Variants in ARAP2 observed in about 807,000 individuals in gnomAD.
The protein encoded by ARAP2 is ArfGAP with RhoGAP domain, ankyrin repeat and PH domain 2, also known as arf-GAP with Rho-GAP domain, ANK repeat and PH domain-containing protein 2.
ARAP2 carries 148 observed loss-of-function variants against 194.5 expected under a neutral mutation model. The ratio of observed to expected loss-of-function variants is 0.76; its 90% confidence interval spans 0.67 to 0.87. The LOEUF (loss-of-function observed/expected upper bound fraction) is 0.87. Ranked by LOEUF, ARAP2 falls within the 40% of genes least tolerant of loss-of-function variation. ARAP2 has a pLI of 0.00. For missense variants in ARAP2, 2,128 were observed against 1,989.7 expected, an observed-to-expected ratio of 1.07 and a Z score of -1.32; for synonymous variants, 695 against 683.5, an observed-to-expected ratio of 1.02 and a Z score of -0.26.
At position 36,099,122 on chromosome 4, in the gene ARAP2, C is replaced by T. The variant is rs571738167; in HGVS notation, c.4286-7102G>A. 2.6e-5 allele frequency among the ~76,000 whole-genome samples: 4 copies of T among 151,322 alleles called. No individual in the cohort carries two copies. In the South Asian group the frequency reaches 6.3e-4, roughly 24 times the overall value. ...CATGTGTCCATATGTTCTCATCATTCGGCTCCCACTTATAAGCGAGAACAT... is the reference window on the plus strand; with the variant it reads ...CATGTGTCCATATGTTCTCATCATTTGGCTCCCACTTATAAGCGAGAACAT... On this transcript the variant is annotated intron_variant, in intron 27 of 32. Coordinates refer to ENST00000303965, the MANE Select transcript of ARAP2 (RefSeq NM_015230.4).
chr4:36,217,134 T>C (rs192089323), intron 2 of ARAP2, among the ~76,000 whole-genome samples: 6 of 152,370 alleles, frequency 3.9e-5, no homozygotes, highest in Admixed American at 3.3e-4. Flanking sequence ...GGTTTACATA[T>C]CTTTCACAAC....
chr4:36,040,924 A>G (rs73123420), intron 5 of ARAP2, among the ~76,000 whole-genome samples: 4,834 of 152,240 alleles, frequency 0.032, 249 homozygotes, highest in African/African-American at 0.1. Flanking sequence ...CCTGTTTTCA[A>G]GGAGAGTGCT....
At chr4:36,041,722 G>A (rs991403423) in intron 5 of ARAP2, among the ~76,000 whole-genome samples, 10 of 152,162 alleles carry the variant, frequency 6.6e-5, no homozygotes, top group Admixed American at 1.3e-4. Context: ...ACACATGCAT[G>A]TGAATGTTCA....
At chr4:36,242,599 T>C (rs575365840) in intron 1 of ARAP2, among the ~76,000 whole-genome samples, 1 of 152,348 alleles carries the variant, frequency 6.6e-6, no homozygotes, top group African/African-American at 2.4e-5. Flanking sequence ...CTGAGTTCTA[T>C]ACTTCTCCAC....
At chr4:36,036,009 C>T (rs562881825) in intron 5 of ARAP2, among the ~76,000 whole-genome samples, 13 of 152,164 alleles carry the variant, frequency 8.5e-5, no homozygotes, top group Non-Finnish European at 1.8e-4. Flanking sequence ...CATGCTGCAA[C>T]GTCATACTAT....
intron 15 of ARAP2, among the ~76,000 whole-genome samples, chr4:36,156,389 G>GAGAAAGAAAGAA (rs1190805215): frequency 4.1e-3 from 51 of 12,584 alleles, no homozygotes; most frequent in South Asian, 0.011. Flanking sequence ...AAGAGAGAGA[G>GAGAAAGAAAGAA]AGAAAGAAAG....
chr4:36,054,266 T>C (rs1723141895), intron 2 of ARAP2, among the ~76,000 whole-genome samples: 1 of 152,206 alleles, frequency 6.6e-6, no homozygotes, highest in African/African-American at 2.4e-5. Context: ...GTTTTCTCTG[T>C]GTCTGGACCA....
chr4:36,166,914 T>C lies in ARAP2; in HGVS notation c.1973+18A>G, dbSNP rs200901207. ...TTCCTATAGTAGTACGAACACAAAA[T>C]GTTTAAAAATAGCTTACCTGAAACT... On this transcript the variant is annotated intron_variant, in intron 10 of 32. Coordinates refer to ENST00000303965, the MANE Select transcript of ARAP2 (RefSeq NM_015230.4). 270 of 1,497,724 alleles carry C rather than the reference T, an allele frequency of 1.8e-4. 2 individuals carry two copies. The East Asian group carries it at 3.6e-3, about 20-fold the overall frequency. The allele number at this position is 1,497,724 out of a possible 1,614,324, so 92.8% of individuals were successfully genotyped here. A position where few individuals can be genotyped will look rare whatever the true frequency, so the allele number is the denominator to read the frequency against.
At chr4:36,190,656 T>C (rs1188209698) in intron 7 of ARAP2, among the ~76,000 whole-genome samples, 3 of 152,178 alleles carry the variant, frequency 2.0e-5, no homozygotes, top group African/African-American at 7.2e-5. Flanking sequence ...TGCATATTAT[T>C]TTTCAAATGT....
At chr4:36,234,797 A>C (rs1162363304) in intron 1 of ARAP2, among the ~76,000 whole-genome samples, 1 of 152,194 alleles carries the variant, frequency 6.6e-6, no homozygotes, top group African/African-American at 2.4e-5. Flanking sequence ...CTATTATTTT[A>C]TTATAATAAA....
At chr4:36,159,569 G>A (rs1578118145) in intron 13 of ARAP2, 64 bp from the exon 14 acceptor site, 1 of 1,299,774 alleles carries the variant, frequency 7.7e-7, no homozygotes, top group African/African-American at 1.5e-5. Context: ...ATTAAAATGA[G>A]TGAAAGTCTG....
intron 1 of ARAP2, among the ~76,000 whole-genome samples, chr4:36,058,459 T>C (rs1309437126): frequency 5.9e-5 from 9 of 152,220 alleles, no homozygotes; most frequent in African/African-American, 2.2e-4. Context: ...TTGTCCTGTG[T>C]ACAGATTCTT....
At chr4:36,050,456 A>G (rs1016874822) in intron 3 of ARAP2, among the ~76,000 whole-genome samples, 4 of 152,214 alleles carry the variant, frequency 2.6e-5, no homozygotes, top group Admixed American at 1.3e-4. Flanking sequence ...ATTACACTGC[A>G]AAGCATGTCT....
At chr4:36,045,619 T>C (rs1239685841) in intron 5 of ARAP2, among the ~76,000 whole-genome samples, 1 of 152,154 alleles carries the variant, frequency 6.6e-6, no homozygotes, top group Admixed American at 6.5e-5. Context: ...ATTCTTCTAG[T>C]CATCAATTAC....
Position 36,077,223 on chromosome 4 carries a change from TAAG to T in ARAP2, c.4608+2990_4608+2992del, listed in dbSNP as rs373140902. ...CAATCAACTGGAAAGCCCATTTGCA[TAAG>T]AAGATTAGGGTGGGGGTGACCAGAC... On this transcript the variant is annotated intron_variant, in intron 31 of 32. Coordinates refer to ENST00000303965, the MANE Select transcript of ARAP2 (RefSeq NM_015230.4). Among the ~76,000 whole-genome samples, 41 of 152,158 alleles carry T rather than the reference TAAG, an allele frequency of 2.7e-4. No individual in the cohort carries two copies. In the East Asian group the frequency reaches 5.4e-3, roughly 20 times the overall value.
chr4:36,093,824 T>C (rs919806256), intron 27 of ARAP2, among the ~76,000 whole-genome samples: 1 of 152,172 alleles, frequency 6.6e-6, no homozygotes, highest in Non-Finnish European at 1.5e-5. Flanking sequence ...CATGTCTGTG[T>C]GTACCCAAGG....
At chr4:36,241,362 G>A (rs1753469149) in intron 1 of ARAP2, among the ~76,000 whole-genome samples, 1 of 152,064 alleles carries the variant, frequency 6.6e-6, no homozygotes, top group Non-Finnish European at 1.5e-5. Context: ...ATAAAAAGAG[G>A]GCATTTCAGA....
intron 27 of ARAP2, among the ~76,000 whole-genome samples, chr4:36,093,058 A>T (rs143667766): frequency 1.4e-4 from 21 of 152,294 alleles, no homozygotes; most frequent in Non-Finnish European, 2.8e-4. Flanking sequence ...CTTTGCAGGG[A>T]CATGATGGAG....
In ARAP2 at chr4:36,177,840, C is replaced by A; in HGVS notation, c.1844G>T (p.Cys615Phe). ...TVLSGNSVWL[C>F]KNEQDFKSGL... ...AACAGAGCTCACCTGTTCGTTTTTG[C>A]AAAGCCACACACTGTTTCCACTTAA... The change falls in exon 9 of 33, where the codon TGC (cysteine) becomes TTC (phenylalanine). Residue 615 changes from cysteine to phenylalanine, a missense_variant. Physicochemically the swap from Cys to Phe is radical, Grantham distance 205 (BLOSUM62 -2). Coordinates refer to ENST00000303965, the MANE Select transcript of ARAP2 (RefSeq NM_015230.4). 1 of 1,599,454 alleles carries A rather than the reference C, an allele frequency of 6.3e-7. No individual in the cohort carries two copies. The highest frequency in any genetic ancestry group is 8.5e-7 in the Non-Finnish European group (1 of 1,174,938).
Sources: allele counts gnomAD v4.1 joint callset (sites outside exome capture counted in the v4.1 genomes callset), GRCh38; gene constraint gnomAD v4.1.1; transcripts MANE v1.5; gene names NCBI Gene and HGNC (gene_info 2026-07-23, HGNC 2026-07-21).